The following CYTL1 variants were observed in gnomAD, a reference collection of about 807,000 sequenced individuals.
CYTL1 encodes cytokine like 1, also known as cytokine-like protein 1.
A neutral mutation model predicts 13.1 loss-of-function variants in CYTL1; 17 were observed. The ratio of observed to expected loss-of-function variants is 1.29; its 90% confidence interval spans 0.89 to 1.94. CYTL1 has a LOEUF of 1.94. CYTL1 is among the 30% of genes most tolerant of loss of function. The pLI is 0.00. For missense variants in CYTL1, 213 were observed against 174.8 expected (o/e 1.22, Z -1.23); for synonymous variants, 91 against 79.4 (o/e 1.15, Z -0.78).
rs145514818 is a variant in CYTL1, at chr4:5,014,999, T to C, written c.*152A>G. 7 of 711,108 alleles carry C rather than the reference T, an allele frequency of 9.8e-6. No homozygotes were observed. The highest frequency in any genetic ancestry group is 1.7e-5 in the Non-Finnish European group (7 of 403,418). 44.0% of individuals were successfully genotyped at this position (711,108 alleles called of 1,614,324 possible). ...CTCAAAGGAGGTTCCTGGGTAGGAA[T>C]ACCAGCCCTGTTTTCCAGAAGGTAG... On this transcript the variant is annotated 3_prime_UTR_variant, in exon 4 of 4. Transcript: ENST00000307746.
rs1300539093 is a variant in CYTL1, at chr4:5,016,817, T to C, written c.327+19A>G. On this transcript the variant is annotated intron_variant, in intron 3 of 3. Transcript: ENST00000307746. ...GCTGATAGCAAGTAGAAAATAGACTTTCAATGGCATCCACTTACTCTCCTG... is the reference window on the plus strand; with the variant it reads ...GCTGATAGCAAGTAGAAAATAGACTCTCAATGGCATCCACTTACTCTCCTG... 7 of 1,613,834 alleles carry C rather than the reference T, an allele frequency of 4.3e-6. No individual in the cohort carries two copies. The Admixed American group carries it at 1.2e-4, about 27-fold the overall frequency.
At chr4:5,018,182 G>A (rs536656927) in intron 1 of CYTL1, among the ~76,000 whole-genome samples, 6 of 152,250 alleles carry the variant, frequency 3.9e-5, no homozygotes, top group Admixed American at 2.0e-4. Flanking sequence ...TGCTTGTGCT[G>A]TTTGACCCAA....
intron 3 of CYTL1, among the ~76,000 whole-genome samples, chr4:5,016,607 T>C (rs1741077722): frequency 6.6e-6 from 1 of 152,130 alleles, no homozygotes; most frequent in South Asian, 2.1e-4. Flanking sequence ...TCCTGGGGTG[T>C]AGCCCCTGCA....
At chr4:5,015,265 T>C in intron 3 of CYTL1, 31 bp from the exon 4 acceptor site, 1 of 1,579,404 alleles carries the variant, frequency 6.3e-7, no homozygotes, top group South Asian at 1.1e-5. Flanking sequence ...GCAGGAAAGT[T>C]ACTGAAGGTG....
At chr4:5,017,375 C>G (rs891013323) in intron 1 of CYTL1, among the ~76,000 whole-genome samples, 196 bp from the exon 2 acceptor site, 4 of 152,190 alleles carry the variant, frequency 2.6e-5, no homozygotes, top group African/African-American at 9.7e-5. Flanking sequence ...CGGAATTAGA[C>G]TTTTAGAATA....
chr4:5,019,283 G>A lies in CYTL1; in HGVS notation c.153+10C>T, dbSNP rs755359105. 6.8e-7 allele frequency: 1 copy of A among 1,477,748 alleles called. No individual in the cohort carries two copies. The highest frequency in any genetic ancestry group is 8.9e-7 in the Non-Finnish European group (1 of 1,117,364). The allele number at this position is 1,477,748 out of a possible 1,614,324, so 91.5% of individuals were successfully genotyped here. ...CATGCACCCCTGTCCTGAGCGGGCGGGGGACTCACCGAGGGCTCCGAGACC... is the reference window on the plus strand; with the variant it reads ...CATGCACCCCTGTCCTGAGCGGGCGAGGGACTCACCGAGGGCTCCGAGACC... On this transcript the variant is annotated intron_variant, in intron 1 of 3. Transcript: ENST00000307746.
chr4:5,019,173 A>G (rs1741142288), intron 1 of CYTL1, 120 bp downstream of exon 1: 1 of 936,182 alleles, frequency 1.1e-6, no homozygotes, highest in East Asian at 3.2e-5. Context: ...TGAGATTTAC[A>G]TTTACTAGAA....
At chr4:5,019,212 TC>T (rs1741143130) in intron 1 of CYTL1, 80 bp downstream of exon 1, 151 of 1,172,300 alleles carry the variant, frequency 1.3e-4, no homozygotes, top group Middle Eastern at 2.1e-4. Flanking sequence ...TCTCTCTCTC[TC>T]TTTTTTTTTT....
intron 1 of CYTL1, 80 bp downstream of exon 1, chr4:5,019,213 C>CTCT (rs1553810714): frequency 4.7e-5 from 46 of 978,766 alleles, no homozygotes; most frequent in Non-Finnish European, 5.5e-5. Flanking sequence ...CTCTCTCTCT[C>CTCT]TTTTTTTTTT....
Position 5,017,126 on chromosome 4 carries a change from C to A in CYTL1, c.198+9G>T. On this transcript the variant is annotated intron_variant, in intron 2 of 3. Transcript: ENST00000307746. ...CAAGACCTCCCTCCCCCAGGGAGAACCCTCTTACGTGTATGTCCAGGTACA... is the reference window on the plus strand; with the variant it reads ...CAAGACCTCCCTCCCCCAGGGAGAAACCTCTTACGTGTATGTCCAGGTACA... The A allele has an allele frequency of 6.2e-7, 1 of 1,613,624 alleles. No individual in the cohort carries two copies. The highest frequency in any genetic ancestry group is 8.5e-7 in the Non-Finnish European group (1 of 1,179,728).
At chr4:5,015,344 C>G (rs1741050365) in intron 3 of CYTL1, 110 bp from the exon 4 acceptor site, 2 of 793,684 alleles carry the variant, frequency 2.5e-6, no homozygotes, top group East Asian at 2.8e-5. Flanking sequence ...GTTCCTCTTT[C>G]TGTAAAAACT....
chr4:5,015,365 T>C (rs1741050767), intron 3 of CYTL1, 131 bp from the exon 4 acceptor site: 1 of 654,824 alleles, frequency 1.5e-6, no homozygotes, highest in Admixed American at 2.8e-5. Flanking sequence ...TCCCATGCCT[T>C]ACTCTCCCCA....
intron 3 of CYTL1, among the ~76,000 whole-genome samples, chr4:5,015,936 CTG>C (rs1310843586): frequency 6.6e-6 from 1 of 152,180 alleles, no homozygotes; most frequent in African/African-American, 2.4e-5. Flanking sequence ...ACTGAGGAAA[CTG>C]TGCCTCAGAG....
At chr4:5,019,013 T>C (rs1470022518) in intron 1 of CYTL1, among the ~76,000 whole-genome samples, 8 of 139,708 alleles carry the variant, frequency 5.7e-5, no homozygotes, top group Non-Finnish European at 1.3e-4. Flanking sequence ...CTTTTTTTTT[T>C]TTTTTTTTTT....
At chr4:5,017,846 C>T (rs143229733) in intron 1 of CYTL1, among the ~76,000 whole-genome samples, 8 of 152,172 alleles carry the variant, frequency 5.3e-5, no homozygotes, top group East Asian at 3.9e-4. Context: ...ATTGGGCTTC[C>T]GTTTTTGCGC....
chr4:5,016,893 A>G lies in CYTL1; in HGVS notation c.270T>C (p.Asp90=). ...SPPCWKVAQV[D]SLKDKARKLY... ...GCTTCCGTGCTTTGTCCTTCAAGGAATCTACCTGGGCCACTTTCCAACACG... is the reference window on the plus strand; with the variant it reads ...GCTTCCGTGCTTTGTCCTTCAAGGAGTCTACCTGGGCCACTTTCCAACACG... The change falls in exon 3 of 4, where the codon GAT becomes GAC. Residue 90 remains aspartate, a synonymous_variant. Transcript: ENST00000307746. The G allele has an allele frequency of 6.2e-7, 1 of 1,614,206 alleles. No individual in the cohort carries two copies. The highest frequency in any genetic ancestry group is 8.5e-7 in the Non-Finnish European group (1 of 1,180,040).
In CYTL1 at chr4:5,019,306, A is replaced by G. The variant is rs1741146260; in HGVS notation, c.140T>C (p.Val47Ala). 2.7e-6 allele frequency: 4 copies of G among 1,498,964 alleles called. No homozygotes were observed. Among genetic ancestry groups the G allele is most frequent in the African/African-American group, 2.9e-5 (2 of 67,958 alleles). 92.9% of individuals were successfully genotyped at this position (1,498,964 alleles called of 1,614,324 possible). A position where few individuals can be genotyped will look rare whatever the true frequency, so the allele number is the denominator to read the frequency against. Residue 47 changes from valine (V) to alanine (A), a missense_variant, in exon 1 of 4, where the codon GTC (valine) becomes GCC (alanine). By Grantham distance (64) the Val-to-Ala change is moderately conservative (BLOSUM62 0). Transcript: ENST00000307746. The part of the protein sequence containing the change: ...EITRDFNLLQ[V>A]SEPSEPCVRY... ...CGGGGGACTCACCGAGGGCTCCGAG[A>G]CCTGCAGGAGGTTGAAGTCGCGGGT...
chr4:5,015,252 T>C lies in CYTL1; in HGVS notation c.328-18A>G, dbSNP rs1337153883. On this transcript the variant is annotated intron_variant, in intron 3 of 3. Coordinates refer to ENST00000307746, the MANE Select transcript of CYTL1 (RefSeq NM_018659.3). ...ACCAAATCCTGAAAAAGATGTGCAA[T>C]GAGCAGGAAAGTTACTGAAGGTGGT... is the stretch of plus-strand genomic sequence containing the variant. 2 of 1,605,508 alleles carry C rather than the reference T, an allele frequency of 1.2e-6. No individual in the cohort carries two copies. Among genetic ancestry groups the C allele is most frequent in the South Asian group, 1.1e-5 (1 of 89,922 alleles).
intron 3 of CYTL1, 94 bp from the exon 4 acceptor site, chr4:5,015,328 T>C: frequency 1.1e-6 from 1 of 942,084 alleles, no homozygotes. Flanking sequence ...CAAAGGCCAT[T>C]CAGTTGTTCC....
Sources: allele counts gnomAD v4.1 joint callset (sites outside exome capture counted in the v4.1 genomes callset), GRCh38; gene constraint gnomAD v4.1.1; transcripts MANE v1.5; gene names NCBI Gene and HGNC (gene_info 2026-07-23, HGNC 2026-07-21).